The following CREM variants were observed in gnomAD, a reference collection of about 807,000 sequenced individuals.
CREM encodes cAMP-responsive element modulator.
Under a neutral mutation model 37.3 loss-of-function variants are expected in CREM, and 13 were observed. The observed-to-expected ratio is 0.35, with a 90% CI of 0.23 to 0.55. CREM has a LOEUF of 0.55. Ranked by LOEUF, CREM falls within the 20% of genes least tolerant of loss-of-function variation. The probability of loss-of-function intolerance (pLI) is 0.88; values close to 1 mark genes in which losing one functional copy is unlikely to be tolerated. For missense variants in CREM, 296 were observed against 362.3 expected, an observed-to-expected ratio of 0.82 and a Z score of 1.49; for synonymous variants, 124 against 120.2, an observed-to-expected ratio of 1.03 and a Z score of -0.21.
chr10:35,155,950 T>C (rs1226333367), intron 3 of CREM, among the ~76,000 whole-genome samples: 24 of 151,120 alleles, frequency 1.6e-4, no homozygotes, highest in Non-Finnish European at 2.8e-4. Context: ...TCTTTCTTTT[T>C]TTTTTTTGAG....
At chr10:35,191,109 A>ATTTATTTATTTATTTATTT (rs1564936841) in intron 6 of CREM, among the ~76,000 whole-genome samples, 1 of 12,068 alleles carries the variant, frequency 8.3e-5, no homozygotes, top group Non-Finnish European at 2.0e-4. Flanking sequence ...TTTATTTATT[A>ATTTATTTATTTATTTATTT]TACTTTAAGT....
Position 35,177,178 on chromosome 10 carries a change from G to A in CREM, c.169-1711G>A, listed in dbSNP as rs560110775. Among the ~76,000 whole-genome samples, 23 of 152,002 alleles carry A rather than the reference G, an allele frequency of 1.5e-4. No individual in the cohort carries two copies. In the East Asian group the frequency reaches 2.9e-3, roughly 19 times the overall value. On this transcript the variant is annotated intron_variant, in intron 3 of 7. Transcript: ENST00000685392. The stretch of plus-strand genomic sequence containing the variant: ...ATCACAGTAGAATGATAAGAGTGGC[G>A]ACAAGATACCTGATGTGACAAATTC...
intron 2 of CREM, among the ~76,000 whole-genome samples, chr10:35,144,236 T>C (rs1452866245): frequency 6.6e-6 from 1 of 152,182 alleles, no homozygotes; most frequent in Non-Finnish European, 1.5e-5. Context: ...TGACCTTCCA[T>C]CTCTGCCTTT....
rs1462808521 is a variant in CREM, at chr10:35,209,202, CAGAT to C, written c.756-2047_756-2044del. ...GGAAGTGTGAGGCTTTAGTCATTCA[CAGAT>C]AGATCTCTTACATATTTTCTTTTTA... is the stretch of plus-strand genomic sequence containing the variant. On this transcript the variant is annotated intron_variant, in intron 7 of 7. Transcript: ENST00000685392. 3 of 609,954 alleles carry C rather than the reference CAGAT, an allele frequency of 4.9e-6. No homozygotes were observed. The South Asian group carries it at 2.2e-4, about 45-fold the overall frequency. 37.8% of individuals were successfully genotyped at this position (609,954 alleles called of 1,614,324 possible). A position where few individuals can be genotyped will look rare whatever the true frequency, so the allele number is the denominator to read the frequency against.
At chr10:35,133,554 C>T (rs2089850327) in intron 1 of CREM, among the ~76,000 whole-genome samples, 1 of 152,170 alleles carries the variant, frequency 6.6e-6, no homozygotes, top group South Asian at 2.1e-4. Context: ...TCAACTTGGC[C>T]TCCGAAAATG....
chr10:35,168,368 T>C (rs1350016842), intron 3 of CREM, among the ~76,000 whole-genome samples: 1 of 152,256 alleles, frequency 6.6e-6, no homozygotes, highest in African/African-American at 2.4e-5. Context: ...CATTTTTTCA[T>C]GTGTCTGTTG....
chr10:35,207,115 G>A (rs774428935), intron 7 of CREM, 64 bp downstream of exon 7: 356 of 1,534,722 alleles, frequency 2.3e-4, no homozygotes, highest in Non-Finnish European at 2.7e-4. Context: ...AGTTTTCACC[G>A]GGCGCAGTGG....
chr10:35,165,074 A>AAAAAAT (rs1554902040), intron 3 of CREM, among the ~76,000 whole-genome samples: 5 of 141,922 alleles, frequency 3.5e-5, no homozygotes, highest in Non-Finnish European at 6.1e-5. Context: ...AAAAAAAAAA[A>AAAAAAT]AAAAGAAAAG....
intron 7 of CREM, among the ~76,000 whole-genome samples, chr10:35,207,468 AAAT>A (rs1282272424): frequency 7.2e-5 from 8 of 111,318 alleles, no homozygotes; most frequent in African/African-American, 2.3e-4. Flanking sequence ...CAATAAATAA[AAAT>A]AAAAATAAAA....
chr10:35,207,592 G>A (rs1034720194), intron 7 of CREM, among the ~76,000 whole-genome samples: 16 of 152,080 alleles, frequency 1.1e-4, no homozygotes, highest in Non-Finnish European at 1.8e-4. Flanking sequence ...TGGCCAATAT[G>A]ACGAAACCCT....
intron 7 of CREM, among the ~76,000 whole-genome samples, chr10:35,209,594 A>G (rs973172076): frequency 6.6e-6 from 1 of 152,238 alleles, no homozygotes; most frequent in African/African-American, 2.4e-5. Flanking sequence ...TTATTAAAGA[A>G]AATGTTTAAA....
At chr10:35,163,652 C>T (rs1237049136) in intron 3 of CREM, among the ~76,000 whole-genome samples, 2 of 152,046 alleles carry the variant, frequency 1.3e-5, no homozygotes, top group African/African-American at 4.8e-5. Flanking sequence ...AAAACCTTGT[C>T]TCTATTAAAA....
intron 5 of CREM, among the ~76,000 whole-genome samples, chr10:35,186,587 C>G (rs1000781017): frequency 6.9e-6 from 1 of 145,454 alleles, no homozygotes; most frequent in Non-Finnish European, 1.5e-5. Context: ...AGCTTTATAA[C>G]CAAAATATGT....
At chr10:35,201,600 C>T in intron 6 of CREM, 1 of 1,319,334 alleles carries the variant, frequency 7.6e-7, no homozygotes, top group East Asian at 2.5e-5. Flanking sequence ...ATTGAGAGTT[C>T]TAGGAATTTT....
chr10:35,207,486 C>T (rs2095559451), intron 7 of CREM, among the ~76,000 whole-genome samples: 2 of 150,430 alleles, frequency 1.3e-5, no homozygotes, highest in Admixed American at 1.3e-4. Context: ...ATAAAAATTA[C>T]AGTTTTCAGC....
chr10:35,197,546 G>A (rs1408405302), intron 6 of CREM, among the ~76,000 whole-genome samples: 10 of 151,660 alleles, frequency 6.6e-5, no homozygotes, highest in East Asian at 1.9e-4. Context: ...TCGGCCTCCC[G>A]GGTTCACGCC....
intron 2 of CREM, among the ~76,000 whole-genome samples, chr10:35,145,445 T>C (rs4934734): frequency 0.29 from 44,556 of 152,064 alleles, 7,070 homozygotes; most frequent in South Asian, 0.35. Context: ...CATTCTCTTA[T>C]GTTTTCCAGA....
rs1343931337 is a variant in CREM, at chr10:35,212,157, C to T, written c.*759C>T. 1.2e-5 allele frequency: 2 copies of T among 169,192 alleles called. No homozygotes were observed. Among genetic ancestry groups the T allele is most frequent in the African/African-American group, 4.8e-5 (2 of 42,070 alleles). The allele number at this position is 169,192 out of a possible 1,614,324, so 10.5% of individuals were successfully genotyped here. A position where few individuals can be genotyped will look rare whatever the true frequency, so the allele number is the denominator to read the frequency against. On this transcript the variant is annotated 3_prime_UTR_variant, in exon 8 of 8. Transcript: ENST00000685392. Reference sequence around the variant, plus strand: ...TAGGAAAGGATGATCAAAAATAATGCATCCAGCAGTACAATAAAAGTAAAC... The same window carrying T: ...TAGGAAAGGATGATCAAAAATAATGTATCCAGCAGTACAATAAAAGTAAAC...
intron 3 of CREM, 63 bp downstream of exon 3, chr10:35,148,554 T>G (rs2092342041): frequency 6.5e-7 from 1 of 1,535,470 alleles, no homozygotes; most frequent in Admixed American, 2.1e-5. Context: ...AGGTGCAGAT[T>G]CTGTTTTCTT....
Sources: allele counts gnomAD v4.1 joint callset (sites outside exome capture counted in the v4.1 genomes callset), GRCh38; gene constraint gnomAD v4.1.1; transcripts MANE v1.5; gene names NCBI Gene and HGNC (gene_info 2026-07-23, HGNC 2026-07-21).